The following ABCD2 variants were observed in gnomAD, a reference collection of about 807,000 sequenced individuals.
ABCD2 encodes the protein ATP-binding cassette sub-family D member 2.
ABCD2 carries 36 observed loss-of-function variants against 70.9 expected under a neutral mutation model. The ratio of observed to expected loss-of-function variants is 0.51; its 90% CI spans 0.39 to 0.67. ABCD2 has a LOEUF of 0.67. Among genes scored for constraint, ABCD2 ranks in the 30% least tolerant of loss-of-function variants. ABCD2 has a pLI of 0.00. For missense variants in ABCD2, 729 were observed against 890.2 expected (o/e 0.82, Z 2.30); for synonymous variants, 304 against 306.9 (o/e 0.99, Z 0.10).
chr12:39,572,913 G>C (rs1941467575), intron 9 of ABCD2, among the ~76,000 whole-genome samples: 1 of 152,160 alleles, frequency 6.6e-6, no homozygotes. Flanking sequence ...AAATGCAAAA[G>C]TAGAGAATGT....
At chr12:39,610,362 A>G (rs1052066458) in intron 2 of ABCD2, among the ~76,000 whole-genome samples, 25 of 152,172 alleles carry the variant, frequency 1.6e-4, no homozygotes, top group Admixed American at 7.9e-4. Flanking sequence ...TAAAGAAGGA[A>G]AACAAAAAGG....
the ABCD2 span, among the ~76,000 whole-genome samples, chr12:39,537,309 C>T: frequency 1.3e-5 from 2 of 152,188 alleles, no homozygotes; most frequent in African/African-American, 4.8e-5. Flanking sequence ...ATCCAGGCTT[C>T]TAGTTGTGCC....
At chr12:39,555,716 C>T (rs1941154788) in intron 9 of ABCD2, among the ~76,000 whole-genome samples, 1 of 152,164 alleles carries the variant, frequency 6.6e-6, no homozygotes, top group African/African-American at 2.4e-5. Context: ...CTGCTGGTAC[C>T]TGCAGACTGA....
chr12:39,573,646 T>C (rs1941477690), intron 9 of ABCD2, 70 bp downstream of exon 9: 1 of 1,546,184 alleles, frequency 6.5e-7, no homozygotes, highest in Non-Finnish European at 8.8e-7. Context: ...TGTGAAAAAT[T>C]TAGCAAAGTT....
At chr12:39,604,129 A>T (rs1941938862) in intron 4 of ABCD2, 123 bp from the exon 5 acceptor site, 1 of 687,486 alleles carries the variant, frequency 1.5e-6, no homozygotes, top group Non-Finnish European at 2.4e-6. Flanking sequence ...AATAAATCAC[A>T]GAAACAAATG....
chr12:39,617,865 C>A (rs576766656), intron 1 of ABCD2, among the ~76,000 whole-genome samples: 1 of 152,254 alleles, frequency 6.6e-6, no homozygotes, highest in Admixed American at 6.5e-5. Context: ...GCATTGCCTT[C>A]AAAATTTCTG....
chr12:39,613,107 C>CCTCAGGTAACTATTTTCTTCACATAATTT (rs1269919507), intron 2 of ABCD2, among the ~76,000 whole-genome samples: 5 of 138,086 alleles, frequency 3.6e-5, no homozygotes, highest in African/African-American at 1.3e-4. Flanking sequence ...AGGTTGTGGG[C>CCTCAGGTAACTATTTTCTTCACATAATTT]CGGGCGCGGT....
At chr12:39,559,688 A>G (rs964426291) in intron 9 of ABCD2, among the ~76,000 whole-genome samples, 3 of 152,212 alleles carry the variant, frequency 2.0e-5, no homozygotes, top group Admixed American at 1.3e-4. Context: ...CTTTTTCAGC[A>G]GAAACCTCAC....
rs992788169 is a variant in ABCD2 at position 39,551,535 on chromosome 12, A to G, written c.*2377T>C. 6.6e-6 allele frequency: 1 copy of G among 151,820 alleles called. No individual in the cohort carries two copies. The highest frequency in any genetic ancestry group is 1.9e-4 in the East Asian group (1 of 5,198). The allele number at this position is 151,820 out of a possible 1,614,324, so 9.4% of individuals were successfully genotyped here. A position where few individuals can be genotyped will look rare whatever the true frequency, so the allele number is the denominator to read the frequency against. Reference sequence around the variant, plus strand: ...TGGTACATAAATACAAGTTCAAATCAGAGATGTTTTCCCTTCCAAGTTAAG... The same window carrying G: ...TGGTACATAAATACAAGTTCAAATCGGAGATGTTTTCCCTTCCAAGTTAAG... On this transcript the variant is annotated 3_prime_UTR_variant, in exon 10 of 10. Transcript: ENST00000308666.
intron 7 of ABCD2, among the ~76,000 whole-genome samples, chr12:39,584,279 C>T (rs1941636216): frequency 6.6e-6 from 1 of 152,000 alleles, no homozygotes; most frequent in Admixed American, 6.6e-5. Flanking sequence ...TGATATTGAG[C>T]TTTTTTCATA....
intron 1 of ABCD2, among the ~76,000 whole-genome samples, chr12:39,617,579 A>C (rs1161690225): frequency 6.6e-6 from 1 of 152,174 alleles, no homozygotes; most frequent in Non-Finnish European, 1.5e-5. Context: ...CTTTTATGCA[A>C]GAAGTCTAAG....
chr12:39,531,417 C>A, the ABCD2 span, among the ~76,000 whole-genome samples: 3 of 152,170 alleles, frequency 2.0e-5, no homozygotes, highest in African/African-American at 7.2e-5. Context: ...CTTGAGGGAA[C>A]TTGTTAGACC....
intron 9 of ABCD2, among the ~76,000 whole-genome samples, chr12:39,566,540 C>A (rs1941351534): frequency 6.6e-6 from 1 of 152,082 alleles, no homozygotes; most frequent in South Asian, 2.1e-4. Flanking sequence ...ATTAGTCTTG[C>A]TAGCGGTCTA....
chr12:39,568,555 G>T (rs1343902107), intron 9 of ABCD2, among the ~76,000 whole-genome samples: 2 of 151,912 alleles, frequency 1.3e-5, no homozygotes, highest in Non-Finnish European at 2.9e-5. Flanking sequence ...TTTTTAACTT[G>T]TTTTCCATGG....
chr12:39,594,321 G>C (rs1210776294), intron 6 of ABCD2, among the ~76,000 whole-genome samples: 2 of 149,358 alleles, frequency 1.3e-5, no homozygotes, highest in Admixed American at 6.6e-5. Context: ...CAACTTTATA[G>C]GTTGTCATAC....
At chr12:39,577,254 T>C (rs906687304) in intron 8 of ABCD2, among the ~76,000 whole-genome samples, 2 of 152,138 alleles carry the variant, frequency 1.3e-5, no homozygotes, top group Non-Finnish European at 2.9e-5. Context: ...AAAATGAACA[T>C]ATTATATTTT....
In ABCD2 at chr12:39,586,497, C is replaced by T. The variant is rs1941668819; in HGVS notation, c.1647-200G>A. Among the ~76,000 whole-genome samples the T allele has an allele frequency of 3.3e-5, 5 of 152,318 alleles. No individual in the cohort carries two copies. The South Asian group carries it at 1.0e-3, about 32-fold the overall frequency. On this transcript the variant is annotated intron_variant, in intron 6 of 9. Coordinates refer to ENST00000308666, the MANE Select transcript of ABCD2 (RefSeq NM_005164.4). The stretch of plus-strand genomic sequence containing the variant: ...ATGTTTACATAAAAACTTACTGACA[C>T]ATGGACACAAGAAAAGCTTCTCCAA...
downstream of ABCD2, among the ~76,000 whole-genome samples, chr12:39,545,118 C>G (rs929249490): frequency 4.6e-5 from 7 of 152,134 alleles, no homozygotes; most frequent in Admixed American, 3.3e-4. Flanking sequence ...TTATTAAAAA[C>G]AAATCATGGT....
chr12:39,532,545 T>C, the ABCD2 span, among the ~76,000 whole-genome samples: 2 of 152,204 alleles, frequency 1.3e-5, no homozygotes, highest in African/African-American at 2.4e-5. Context: ...GAAGAAGATC[T>C]GGCAATGTAT....
Sources: gnomAD v4.1 joint callset for allele counts (sites outside exome capture counted in the v4.1 genomes callset) on GRCh38, gnomAD v4.1.1 for gene constraint, MANE v1.5 for transcripts, NCBI Gene and HGNC (gene_info 2026-07-23, HGNC 2026-07-21) for gene names.